EZH1: variants seen among roughly 807,000 people sequenced by gnomAD.
The protein encoded by EZH1 is enhancer of zeste 1 polycomb repressive complex 2 subunit.
A neutral mutation model predicts 100.5 loss-of-function variants in EZH1; 33 were observed. The ratio of observed to expected loss-of-function variants is 0.33; its 90% CI spans 0.25 to 0.44. The LOEUF (loss-of-function observed/expected upper bound fraction) is 0.44, where lower values mean the gene tolerates loss of function less well. Ranked by LOEUF, EZH1 falls within the 20% of genes least tolerant of loss-of-function variation. EZH1 has a pLI of 1.00. For synonymous variants in EZH1, 272 were observed against 313.8 expected, an observed-to-expected ratio of 0.87 and a Z score of 1.41; for missense variants, 475 against 928.4, an observed-to-expected ratio of 0.51 and a Z score of 6.35.
rs1409347755 is a variant in EZH1, at chr17:42,702,544, G to A, written c.2232C>T (p.Thr744=). ...GGGCCTGGGAGGGCTAAAGGACGTC[G>A]GTCTCCCTCTCGATCCCCACGTACT... ...ALKYVGIERE[T]DVL is the part of the protein sequence containing the mutation. Residue 744 remains threonine, a synonymous_variant, in exon 21 of 21, where the codon ACC becomes ACT. Transcript: ENST00000428826. 7 of 1,563,914 alleles carry A rather than the reference G, an allele frequency of 4.5e-6. No individual in the cohort carries two copies. The highest frequency in any genetic ancestry group is 5.2e-6 in the Non-Finnish European group (6 of 1,152,586).
At chr17:42,708,186 A>C (rs1381073059) in intron 14 of EZH1, 103 bp from the exon 15 acceptor site, 1 of 1,397,910 alleles carries the variant, frequency 7.2e-7, no homozygotes, top group South Asian at 1.4e-5. Flanking sequence ...TGGTCCTAAC[A>C]ATCTCCTTGG....
intron 2 of EZH1, 33 bp from the exon 3 acceptor site, chr17:42,728,985 A>G: frequency 6.5e-7 from 1 of 1,533,336 alleles, no homozygotes; most frequent in Non-Finnish European, 8.8e-7. Flanking sequence ...ATAGCATTTT[A>G]TTGCCTGGAA....
chr17:42,702,387 T>C lies in EZH1; in HGVS notation c.*145A>G, dbSNP rs1271930025. On this transcript the variant is annotated 3_prime_UTR_variant, in exon 21 of 21. Coordinates refer to ENST00000428826, the MANE Select transcript of EZH1 (RefSeq NM_001991.5). ...GAGACAGTTTTGTGCCCTCTGGACA[T>C]GGCAGAGGCCTCACTACAGAGGGAG... 7 of 640,066 alleles carry C rather than the reference T, an allele frequency of 1.1e-5. No homozygotes were observed. Among genetic ancestry groups the C allele is most frequent in the African/African-American group, 5.5e-5 (3 of 54,860 alleles). The allele number at this position is 640,066 out of a possible 1,614,324, so 39.6% of individuals were successfully genotyped here.
intron 13 of EZH1, chr17:42,709,269 T>C (rs1389856710): frequency 3.9e-6 from 1 of 256,294 alleles, no homozygotes; most frequent in Non-Finnish European, 7.6e-6. Flanking sequence ...TGGGGGAGTT[T>C]CAAGATGGGG....
chr17:42,718,623 T>G lies in EZH1; in HGVS notation c.768-6A>C, dbSNP rs2053649751. 1 of 1,613,980 alleles carries G rather than the reference T, an allele frequency of 6.2e-7. No individual in the cohort carries two copies. The highest frequency in any genetic ancestry group is 8.5e-7 in the Non-Finnish European group (1 of 1,179,942). Reference sequence around the variant, plus strand: ...TCTCTGTTAGTTCTCGATACCTATTTAAGAAAAGAGAGATAAGAGTTCCTC... The same window carrying G: ...TCTCTGTTAGTTCTCGATACCTATTGAAGAAAAGAGAGATAAGAGTTCCTC... On this transcript the variant is annotated splice_polypyrimidine_tract_variant and splice_region_variant and intron_variant, in intron 8 of 20. Transcript: ENST00000428826. This position sits in a 1 kb window ranked among gnomAD's most constrained non-coding sequence, Gnocchi z 4.2.
intron 1 of EZH1, among the ~76,000 whole-genome samples, chr17:42,737,943 G>A (rs557262839): frequency 1.6e-3 from 237 of 152,180 alleles, no homozygotes; most frequent in Non-Finnish European, 9.0e-4. Flanking sequence ...TTGGGAGGCC[G>A]AGACAGGCGG....
chr17:42,742,857 G>A (rs1158600003), intron 1 of EZH1, among the ~76,000 whole-genome samples: 3 of 151,878 alleles, frequency 2.0e-5, no homozygotes, highest in Non-Finnish European at 4.4e-5. Context: ...GCGTTTTTAA[G>A]TACTTCTCTC....
At chr17:42,740,846 C>G (rs1391066138) in intron 1 of EZH1, among the ~76,000 whole-genome samples, 1 of 152,208 alleles carries the variant, frequency 6.6e-6, no homozygotes, top group African/African-American at 2.4e-5. Flanking sequence ...ATAAAACACA[C>G]TAAAGGTACT....
intron 6 of EZH1, among the ~76,000 whole-genome samples, chr17:42,722,423 G>A (rs1419346473): frequency 1.3e-5 from 2 of 151,752 alleles, no homozygotes; most frequent in African/African-American, 2.4e-5. Flanking sequence ...TCAGGAATTC[G>A]AGACCAGCCT....
At chr17:42,744,867 TGCTACCCCCGGCCAG>T in intron 1 of EZH1, 129 bp downstream of exon 1, 1 of 891,318 alleles carries the variant, frequency 1.1e-6, no homozygotes, top group African/African-American at 1.8e-5. Flanking sequence ...GAGGGGCGCC[TGCTACCCCCGGCCAG>T]GCAGGCAGTG....
At chr17:42,728,189 C>T (rs1321988603) in intron 3 of EZH1, among the ~76,000 whole-genome samples, 1 of 148,938 alleles carries the variant, frequency 6.7e-6, no homozygotes, top group Admixed American at 6.8e-5. Context: ...TCTCGGCTCA[C>T]TGCAACCTCT....
chr17:42,741,388 T>C (rs1269171883), intron 1 of EZH1, among the ~76,000 whole-genome samples: 4 of 152,146 alleles, frequency 2.6e-5, no homozygotes, highest in African/African-American at 7.2e-5. Flanking sequence ...GCCCAGCTAA[T>C]TGTAGAAACG....
intron 5 of EZH1, among the ~76,000 whole-genome samples, chr17:42,723,208 C>T (rs1285587268): frequency 6.6e-6 from 1 of 152,112 alleles, no homozygotes; most frequent in Non-Finnish European, 1.5e-5. Flanking sequence ...AACCCCATCT[C>T]TACTAAAATA....
chr17:42,730,500 T>TTC (rs2053920176), intron 2 of EZH1, among the ~76,000 whole-genome samples: 1 of 132,364 alleles, frequency 7.6e-6, no homozygotes, highest in Non-Finnish European at 1.6e-5. Context: ...TTTTTTTTTT[T>TTC]TTTTTTTTTT....
At chr17:42,713,430 C>G (rs757668404) in intron 10 of EZH1, 41 bp from the exon 11 acceptor site, 1 of 1,546,252 alleles carries the variant, frequency 6.5e-7, no homozygotes, top group Admixed American at 1.9e-5. Context: ...GGAACAGGCC[C>G]ATCACCATAT....
At chr17:42,713,444 T>G in intron 10 of EZH1, 55 bp from the exon 11 acceptor site, 1 of 1,488,106 alleles carries the variant, frequency 6.7e-7, no homozygotes, top group Non-Finnish European at 9.0e-7. Flanking sequence ...ACCATATTGA[T>G]CTCATCATCA....
chr17:42,737,586 A>C (rs1181580881), intron 1 of EZH1, among the ~76,000 whole-genome samples: 1 of 152,234 alleles, frequency 6.6e-6, no homozygotes, highest in African/African-American at 2.4e-5. Flanking sequence ...AGCCTGGGTG[A>C]CAGAGTGAGA....
intron 1 of EZH1, among the ~76,000 whole-genome samples, chr17:42,735,467 C>A (rs943445474): frequency 7.2e-5 from 11 of 151,752 alleles, no homozygotes; most frequent in African/African-American, 2.7e-4. Flanking sequence ...GAGTGGCACA[C>A]AAAAAAATAC....
At chr17:42,730,791 C>G (rs536258080) in intron 2 of EZH1, 37 bp downstream of exon 2, 425 of 956,390 alleles carry the variant, frequency 4.4e-4, no homozygotes, top group Non-Finnish European at 5.0e-4. Context: ...CCACCGCGCC[C>G]GGCCAAGAAG....
Sources: allele counts gnomAD v4.1 joint callset (sites outside exome capture counted in the v4.1 genomes callset), GRCh38; gene constraint gnomAD v4.1.1; non-coding constraint Gnocchi (gnomAD v3.1); transcripts MANE v1.5; gene names NCBI Gene and HGNC (gene_info 2026-07-23, HGNC 2026-07-21).